NELL1: variants seen among roughly 807,000 people sequenced by gnomAD.
The protein encoded by NELL1 is neural EGFL like 1.
Under a neutral mutation model 107.4 loss-of-function variants are expected in NELL1, and 76 were observed. That is an observed-to-expected ratio of 0.71 (90% confidence interval 0.59 to 0.86). NELL1 has a LOEUF of 0.86. Ranked by LOEUF, NELL1 falls within the 40% of genes least tolerant of loss-of-function variation. NELL1 has a pLI of 0.00. For synonymous variants in NELL1, 353 were observed against 341.2 expected, an observed-to-expected ratio of 1.03 and a Z score of -0.38; for missense variants, 1,024 against 1,005.5, an observed-to-expected ratio of 1.02 and a Z score of -0.25.
intron 15 of NELL1, among the ~76,000 whole-genome samples, chr11:21,393,547 T>C (rs1564873121): frequency 6.6e-6 from 1 of 151,768 alleles, no homozygotes; most frequent in East Asian, 2.0e-4. Flanking sequence ...TTAAATAAAA[T>C]GTACTTTATA....
chr11:21,042,546 A>G (rs1474398540), intron 12 of NELL1, among the ~76,000 whole-genome samples: 1 of 152,196 alleles, frequency 6.6e-6, no homozygotes, highest in Non-Finnish European at 1.5e-5. Flanking sequence ...CACATCACCT[A>G]CATCACCCAG....
chr11:21,068,204 C>T (rs1482755047), intron 12 of NELL1, among the ~76,000 whole-genome samples: 2 of 151,914 alleles, frequency 1.3e-5, no homozygotes, highest in Non-Finnish European at 2.9e-5. Flanking sequence ...GGTCTTTGTG[C>T]AAGAAGGGGC....
intron 2 of NELL1, among the ~76,000 whole-genome samples, chr11:20,712,218 C>G (rs1273700085): frequency 6.6e-6 from 1 of 152,026 alleles, no homozygotes; most frequent in African/African-American, 2.4e-5. Flanking sequence ...CTCTGAAGAT[C>G]TTTCTTCTAC....
At chr11:21,452,565 T>C (rs1039484477) in intron 15 of NELL1, among the ~76,000 whole-genome samples, 1 of 152,088 alleles carries the variant, frequency 6.6e-6, no homozygotes, top group African/African-American at 2.4e-5. Context: ...CTTCTTATAA[T>C]TCTGTCTAGA....
intron 3 of NELL1, among the ~76,000 whole-genome samples, chr11:20,808,565 T>G (rs1275860533): frequency 4.6e-5 from 7 of 152,210 alleles, no homozygotes; most frequent in Non-Finnish European, 2.9e-5. Context: ...TGGCTCTGAG[T>G]GCAGCACAGT....
At chr11:21,157,024 C>G (rs1401499459) in intron 13 of NELL1, among the ~76,000 whole-genome samples, 1 of 151,776 alleles carries the variant, frequency 6.6e-6, no homozygotes. Context: ...ATCGCTGTAA[C>G]CCAGGAGGCG....
At chr11:20,738,235 GA>G (rs1001642727) in intron 2 of NELL1, among the ~76,000 whole-genome samples, 1 of 152,222 alleles carries the variant, frequency 6.6e-6, no homozygotes, top group Non-Finnish European at 1.5e-5. Context: ...TGGGTGGGGG[GA>G]TTTTCATCAG....
chr11:20,790,779 C>A (rs766232546), intron 3 of NELL1, among the ~76,000 whole-genome samples: 3 of 152,298 alleles, frequency 2.0e-5, no homozygotes, highest in Non-Finnish European at 4.4e-5. Flanking sequence ...GCCTGGGGAA[C>A]TTCTACCCCA....
chr11:21,117,384 A>C (rs1372508558), intron 13 of NELL1, among the ~76,000 whole-genome samples: 1 of 151,956 alleles, frequency 6.6e-6, no homozygotes, highest in East Asian at 1.9e-4. Flanking sequence ...CTATACCTTG[A>C]CTACTTAGAA....
chr11:20,975,898 A>G (rs915001736), intron 12 of NELL1, among the ~76,000 whole-genome samples: 9 of 108,416 alleles, frequency 8.3e-5, no homozygotes, highest in South Asian at 2.9e-4. Context: ...TTATATATAC[A>G]TATATGTGTA....
chr11:21,446,079 G>A (rs1243141767), intron 15 of NELL1, among the ~76,000 whole-genome samples: 3 of 151,654 alleles, frequency 2.0e-5, no homozygotes, highest in African/African-American at 4.8e-5. Context: ...CAAACAGCCT[G>A]TCTTCAAGCT....
chr11:20,988,099 T>C (rs1851888790), intron 12 of NELL1, among the ~76,000 whole-genome samples: 1 of 152,192 alleles, frequency 6.6e-6, no homozygotes, highest in African/African-American at 2.4e-5. Context: ...GTATCTTCAA[T>C]CTGCTATTTG....
intron 4 of NELL1, among the ~76,000 whole-genome samples, chr11:20,868,337 G>A (rs1392998458): frequency 6.6e-6 from 1 of 152,158 alleles, no homozygotes; most frequent in African/African-American, 2.4e-5. Context: ...TAGAATAGGA[G>A]CATTCATAGA....
intron 12 of NELL1, among the ~76,000 whole-genome samples, chr11:20,983,346 A>G (rs1419556864): frequency 6.6e-6 from 1 of 151,898 alleles, no homozygotes; most frequent in African/African-American, 2.4e-5. Context: ...CCCATCCCCC[A>G]TCCCCAACCC....
chr11:21,258,961 G>C (rs1858838599), intron 14 of NELL1, among the ~76,000 whole-genome samples: 1 of 152,028 alleles, frequency 6.6e-6, no homozygotes, highest in South Asian at 2.1e-4. Flanking sequence ...ACCAGGAACA[G>C]TATAGTCACA....
intron 13 of NELL1, among the ~76,000 whole-genome samples, chr11:21,116,803 C>T (rs933127300): frequency 6.6e-6 from 1 of 151,982 alleles, no homozygotes; most frequent in Non-Finnish European, 1.5e-5. Flanking sequence ...CCATGGCCAT[C>T]ACATTGGACT....
At chr11:20,683,394 A>G (rs981342243) in intron 2 of NELL1, among the ~76,000 whole-genome samples, 5 of 152,000 alleles carry the variant, frequency 3.3e-5, no homozygotes, top group Non-Finnish European at 7.4e-5. Flanking sequence ...GGTTTGGTAT[A>G]CAAACGATCC....
At chr11:21,347,948 C>T (rs969968850) in intron 14 of NELL1, among the ~76,000 whole-genome samples, 2 of 151,970 alleles carry the variant, frequency 1.3e-5, no homozygotes, top group South Asian at 2.1e-4. Context: ...AGAAGGTTGC[C>T]AATCTTAGGA....
intron 1 of NELL1, among the ~76,000 whole-genome samples, chr11:20,673,025 G>C (rs977456390): frequency 3.9e-5 from 5 of 128,140 alleles, no homozygotes; most frequent in Non-Finnish European, 8.1e-5. Flanking sequence ...ACCACGCCTA[G>C]CTAATTTTGT....
Sources: allele counts gnomAD v4.1 joint callset (sites outside exome capture counted in the v4.1 genomes callset), GRCh38; gene constraint gnomAD v4.1.1; transcripts MANE v1.5; gene names NCBI Gene and HGNC (gene_info 2026-07-23, HGNC 2026-07-21).